RPS6KA5: variants seen among roughly 807,000 people sequenced by gnomAD.
RPS6KA5 encodes the protein ribosomal protein S6 kinase A5, also known as ribosomal protein S6 kinase alpha-5.
RPS6KA5 carries 27 observed loss-of-function variants against 85.5 expected under a neutral mutation model. The ratio of observed to expected loss-of-function variants is 0.32; its 90% CI spans 0.23 to 0.44. The LOEUF (loss-of-function observed/expected upper bound fraction) is 0.44. RPS6KA5 is among the 20% of genes least tolerant of loss of function. The pLI is 1.00. For missense variants in RPS6KA5, 811 were observed against 980.9 expected (o/e 0.83, Z 2.31); for synonymous variants, 334 against 348.2 (o/e 0.96, Z 0.46).
chr14:90,934,659 T>C (rs1444530005), intron 5 of RPS6KA5, among the ~76,000 whole-genome samples: 1 of 152,142 alleles, frequency 6.6e-6, no homozygotes, highest in African/African-American at 2.4e-5. Context: ...TGAATCTACC[T>C]TAAAAAAAAT....
chr14:90,978,500 C>T lies in RPS6KA5; in HGVS notation c.200G>A (p.Arg67His), dbSNP rs756086272. 8 of 1,589,770 alleles carry T rather than the reference C, an allele frequency of 5.0e-6. No homozygotes were observed. In the African/African-American group the frequency reaches 5.4e-5, roughly 11 times the overall value. ...TGAYGKVFLV[R>H]KISGHDTGKL... ...TCCAGTATCATGGCCACTTATTTTACGAACTAGAAATACTTTTCCATAAGC... is the reference window on the plus strand; with the variant it reads ...TCCAGTATCATGGCCACTTATTTTATGAACTAGAAATACTTTTCCATAAGC... The change falls in exon 3 of 17, where the codon CGT becomes CAT. Residue 67 changes from arginine (R) to histidine (H), a missense_variant. This residue lies in a region of RPS6KA5 where 113 missense variants were observed against 100.0 expected (regional missense o/e 1.13). Coordinates refer to ENST00000614987, the MANE Select transcript of RPS6KA5 (RefSeq NM_004755.4).
chr14:91,024,487 AT>A (rs2139809459), intron 1 of RPS6KA5, among the ~76,000 whole-genome samples: 1 of 152,240 alleles, frequency 6.6e-6, no homozygotes, highest in East Asian at 1.9e-4. Flanking sequence ...ATTTCTAGGC[AT>A]TTATTACACA....
intron 5 of RPS6KA5, among the ~76,000 whole-genome samples, chr14:90,926,063 C>CTGATGTCAA (rs2036650276): frequency 6.6e-6 from 1 of 151,600 alleles, no homozygotes; most frequent in Non-Finnish European, 1.5e-5. Flanking sequence ...TGAAGAAAGA[C>CTGATGTCAA]AGTAAATTAG....
intron 3 of RPS6KA5, among the ~76,000 whole-genome samples, chr14:90,955,771 T>C (rs1323019009): frequency 1.3e-5 from 2 of 152,210 alleles, no homozygotes; most frequent in Admixed American, 6.5e-5. Context: ...GTTGTTTGGG[T>C]CTTCTGTTTC....
At chr14:91,020,652 T>TGTGTA (rs1566873215) in intron 1 of RPS6KA5, among the ~76,000 whole-genome samples, 1 of 63,542 alleles carries the variant, frequency 1.6e-5, no homozygotes. Context: ...GTGTGTGTGT[T>TGTGTA]TATATGTGTA....
At position 90,851,096 on chromosome 14, in the gene RPS6KA5, GGC is replaced by G. The variant is rs1481242081; in HGVS notation, c.*20976_*20977del. On this transcript the variant is annotated 3_prime_UTR_variant, in exon 17 of 17. Transcript: ENST00000614987. Reference sequence around the variant, plus strand: ...TCTGCCCCCCAGGCTGGAGTGCAGTGGCGTGATCTCGGCTCACTGCAAGCTCC... The same window carrying G: ...TCTGCCCCCCAGGCTGGAGTGCAGTGGTGATCTCGGCTCACTGCAAGCTCC... The G allele has an allele frequency of 6.6e-6, 1 of 152,002 alleles. No homozygotes were observed. The highest frequency in any genetic ancestry group is 2.4e-5 in the African/African-American group (1 of 41,334). 9.4% of individuals were successfully genotyped at this position (152,002 alleles called of 1,614,324 possible). A position where few individuals can be genotyped will look rare whatever the true frequency, so the allele number is the denominator to read the frequency against.
At chr14:90,959,278 C>A (rs2038680167) in intron 3 of RPS6KA5, among the ~76,000 whole-genome samples, 1 of 152,092 alleles carries the variant, frequency 6.6e-6, no homozygotes, top group African/African-American at 2.4e-5. Context: ...GAGGCCCTGG[C>A]CATCATCTTT....
At chr14:90,958,548 T>C (rs1169147149) in intron 3 of RPS6KA5, among the ~76,000 whole-genome samples, 2 of 152,350 alleles carry the variant, frequency 1.3e-5, no homozygotes, top group South Asian at 2.1e-4. Context: ...ATCTTAGCTA[T>C]ACCTTTTATC....
chr14:90,873,512 A>G (rs2033253550), intron 16 of RPS6KA5, 120 bp downstream of exon 16: 1 of 927,220 alleles, frequency 1.1e-6, no homozygotes, highest in Non-Finnish European at 1.6e-6. Flanking sequence ...CCTAAAAGTA[A>G]AAGGACACAT....
chr14:91,044,129 A>C lies in RPS6KA5; in HGVS notation c.103+16203T>G, dbSNP rs563246180. 5.9e-5 allele frequency among the ~76,000 whole-genome samples: 9 copies of C among 152,028 alleles called. No homozygotes were observed. In the South Asian group the frequency reaches 1.9e-3, roughly 32 times the overall value. The stretch of plus-strand genomic sequence containing the variant: ...GTAATCCCAGCTACTTGGGAGGCTC[A>C]GGCAGGAGAATCGCTTGAACCCAGG... On this transcript the variant is annotated intron_variant, in intron 1 of 16. Transcript: ENST00000614987.
chr14:90,885,830 G>A (rs1303778974), intron 14 of RPS6KA5, among the ~76,000 whole-genome samples: 1 of 149,048 alleles, frequency 6.7e-6, no homozygotes, highest in Non-Finnish European at 1.5e-5. Context: ...TTTCTGGCAT[G>A]TAATAATGCA....
intron 1 of RPS6KA5, among the ~76,000 whole-genome samples, chr14:91,024,892 T>A (rs1219451123): frequency 2.6e-5 from 4 of 152,046 alleles, no homozygotes; most frequent in Admixed American, 6.6e-5. Flanking sequence ...TTTTTTTAAA[T>A]TTTTTTTGAG....
At chr14:91,015,361 T>A (rs2041444625) in intron 1 of RPS6KA5, among the ~76,000 whole-genome samples, 1 of 152,154 alleles carries the variant, frequency 6.6e-6, no homozygotes, top group African/African-American at 2.4e-5. Flanking sequence ...AAAAATTTGA[T>A]AACTTGTGAA....
At chr14:90,875,126 T>G in intron 15 of RPS6KA5, 75 bp downstream of exon 15, 1 of 1,345,836 alleles carries the variant, frequency 7.4e-7, no homozygotes, top group Middle Eastern at 2.6e-4. Flanking sequence ...AACATATGAA[T>G]GTATGTGTAA....
chr14:91,021,007 A>G (rs1301197707), intron 1 of RPS6KA5, among the ~76,000 whole-genome samples: 1 of 152,176 alleles, frequency 6.6e-6, no homozygotes, highest in Non-Finnish European at 1.5e-5. Context: ...CATTAATGAC[A>G]TTAGATTTAT....
chr14:90,929,087 A>AG, intron 5 of RPS6KA5, among the ~76,000 whole-genome samples: 1 of 152,258 alleles, frequency 6.6e-6, no homozygotes, highest in East Asian at 1.9e-4. Flanking sequence ...GTGGTTAAAG[A>AG]GAAAAACCAT....
chr14:90,860,927 T>C lies in RPS6KA5; in HGVS notation c.*11147A>G, dbSNP rs1179039039. On this transcript the variant is annotated 3_prime_UTR_variant, in exon 17 of 17. Transcript: ENST00000614987. ...TTTTTTTGAGATGGAGTTTCGCTCTTGTTGCCCAATCTGGAGTGCAATGGT... is the reference window on the plus strand; with the variant it reads ...TTTTTTTGAGATGGAGTTTCGCTCTCGTTGCCCAATCTGGAGTGCAATGGT... The C allele has an allele frequency of 6.7e-6, 1 of 150,364 alleles. No homozygotes were observed. Among genetic ancestry groups the C allele is most frequent in the East Asian group, 2.0e-4 (1 of 5,002 alleles). The allele number at this position is 150,364 out of a possible 1,614,324, so 9.3% of individuals were successfully genotyped here. A position where few individuals can be genotyped will look rare whatever the true frequency, so the allele number is the denominator to read the frequency against.
In RPS6KA5 at chr14:90,862,086, G is replaced by A. The variant is rs1358664508; in HGVS notation, c.*9988C>T. ...AACAATGGACAAAAGAAAATATTTG[G>A]TTTATCAAAAGAAGACACAATACAG... is the stretch of plus-strand genomic sequence containing the variant. On this transcript the variant is annotated 3_prime_UTR_variant, in exon 17 of 17. Transcript: ENST00000614987. 1 of 152,048 alleles carries A rather than the reference G, an allele frequency of 6.6e-6. No individual in the cohort carries two copies. Among genetic ancestry groups the A allele is most frequent in the South Asian group, 2.1e-4 (1 of 4,820 alleles). 9.4% of individuals were successfully genotyped at this position (152,048 alleles called of 1,614,324 possible).
At chr14:90,990,780 T>C (rs1426154510) in intron 2 of RPS6KA5, among the ~76,000 whole-genome samples, 1 of 151,994 alleles carries the variant, frequency 6.6e-6, no homozygotes, top group Non-Finnish European at 1.5e-5. Flanking sequence ...AGCAAACTGA[T>C]GTAGGAAAAG....
Sources: gnomAD v4.1 joint callset for allele counts (sites outside exome capture counted in the v4.1 genomes callset) on GRCh38, gnomAD v4.1.1 for gene constraint, gnomAD v4.1.1 regional missense constraint, MANE v1.5 for transcripts, NCBI Gene and HGNC (gene_info 2026-07-23, HGNC 2026-07-21) for gene names.